The following TOP1 variants were observed in gnomAD, a reference collection of about 807,000 sequenced individuals.
TOP1 encodes the protein DNA topoisomerase I, also known as DNA topoisomerase 1.
In TOP1, 10 loss-of-function variants were observed where a neutral mutation model predicts 111.1. The observed-to-expected ratio is 0.09, with a 90% CI of 0.06 to 0.15. The LOEUF (loss-of-function observed/expected upper bound fraction) is 0.15, where lower values mean the gene tolerates loss of function less well. Among genes scored for constraint, TOP1 ranks in the 10% least tolerant of loss-of-function variants. The probability of loss-of-function intolerance (pLI) is 1.00; values close to 1 mark genes in which losing one functional copy is unlikely to be tolerated. For synonymous variants in TOP1, 271 were observed against 302.9 expected (o/e 0.89, Z 1.10); for missense variants, 474 against 926.7 (o/e 0.51, Z 6.34).
At chr20:41,093,814 G>A (rs566920507) in intron 9 of TOP1, among the ~76,000 whole-genome samples, 1 of 152,308 alleles carries the variant, frequency 6.6e-6, no homozygotes, top group South Asian at 2.1e-4. Flanking sequence ...GTAGGCCTAG[G>A]TAGTAGTTTA....
chr20:41,111,752 GT>G (rs2034245442), intron 13 of TOP1, among the ~76,000 whole-genome samples: 1 of 152,094 alleles, frequency 6.6e-6, no homozygotes, highest in Admixed American at 6.5e-5. Context: ...ACTTTCCTTT[GT>G]TGCGGGTGGG....
At chr20:41,081,079 G>C in intron 6 of TOP1, 86 bp from the exon 7 acceptor site, 2 of 1,219,156 alleles carry the variant, frequency 1.6e-6, no homozygotes, top group Non-Finnish European at 2.3e-6. Context: ...TTGCCATGGA[G>C]GCATCCAAGA....
chr20:41,031,945 T>C (rs2033125163), intron 2 of TOP1, among the ~76,000 whole-genome samples: 1 of 152,254 alleles, frequency 6.6e-6, no homozygotes, highest in Non-Finnish European at 1.5e-5. Flanking sequence ...GGTGTAATTA[T>C]TCTTTGTGAA....
intron 2 of TOP1, among the ~76,000 whole-genome samples, chr20:41,036,756 A>G (rs905854102): frequency 6.6e-6 from 1 of 151,984 alleles, no homozygotes; most frequent in Non-Finnish European, 1.5e-5. Flanking sequence ...CAAAGCGGTC[A>G]CTGTAAAGTA....
intron 2 of TOP1, among the ~76,000 whole-genome samples, chr20:41,054,138 C>T (rs968564304): frequency 6.6e-6 from 1 of 152,002 alleles, no homozygotes; most frequent in South Asian, 2.1e-4. Flanking sequence ...TGGCTGTGTC[C>T]CCACCCAAAT....
At position 41,098,276 on chromosome 20, in the gene TOP1, T is replaced by C; in HGVS notation, c.914T>C (p.Met305Thr). ...CTAAGCAAATGTGATTTTACCCAGA[T>C]GAGCCAGTATTTCAAAGCCCAGACG... Reference protein sequence around the residue: ...TNLSKCDFTQMSQYFKAQTEA... With the variant: ...TNLSKCDFTQTSQYFKAQTEA... Residue 305 changes from methionine to threonine, a missense_variant, in exon 11 of 21, where the codon ATG (methionine) becomes ACG (threonine). Coordinates refer to ENST00000361337, the MANE Select transcript of TOP1 (RefSeq NM_003286.4). The surrounding 1 kb of genome is among the most constrained non-coding windows in gnomAD (Gnocchi z 5.7). 6.2e-7 allele frequency: 1 copy of C among 1,613,950 alleles called. No individual in the cohort carries two copies.
chr20:41,074,997 C>A lies in TOP1; in HGVS notation c.156-1174C>A, dbSNP rs73909138. 5.7e-3 allele frequency among the ~76,000 whole-genome samples: 863 copies of A among 152,254 alleles called. 3 individuals carry two copies. The highest frequency in any genetic ancestry group is 0.02 in the African/African-American group (822 of 41,546). ...TTCCTTTTTCTGTCATAAACACTTT[C>A]CAAATGTGTTTGTGGTACTCAAATT... On this transcript the variant is annotated intron_variant, in intron 3 of 20. Transcript: ENST00000361337.
chr20:41,029,186 C>T lies in TOP1; in HGVS notation c.33+86C>T, dbSNP rs1408833817. On this transcript the variant is annotated intron_variant, in intron 1 of 20. Transcript: ENST00000361337. The surrounding 1 kb of genome is among the most constrained non-coding windows in gnomAD (Gnocchi z 6.1). The stretch of plus-strand genomic sequence containing the variant: ...GCGCAGGCCCCGACCCCAGCCCCGG[C>T]CCGGCAGCTTTGACAGGCCGGAGCC... 3 of 1,129,828 alleles carry T rather than the reference C, an allele frequency of 2.7e-6. No individual in the cohort carries two copies. Among genetic ancestry groups the T allele is most frequent in the African/African-American group, 3.3e-5 (2 of 60,332 alleles). 70.0% of individuals were successfully genotyped at this position (1,129,828 alleles called of 1,614,324 possible). A position where few individuals can be genotyped will look rare whatever the true frequency, so the allele number is the denominator to read the frequency against.
intron 13 of TOP1, among the ~76,000 whole-genome samples, chr20:41,111,528 C>T (rs1368909526): frequency 6.6e-6 from 1 of 151,732 alleles, no homozygotes; most frequent in African/African-American, 2.4e-5. Flanking sequence ...AAGTGGAAGA[C>T]ATTCTTGCTC....
At chr20:41,088,550 G>C (rs1774783564) in intron 8 of TOP1, among the ~76,000 whole-genome samples, 1 of 152,196 alleles carries the variant, frequency 6.6e-6, no homozygotes, top group Non-Finnish European at 1.5e-5. Context: ...GAGAAGAATG[G>C]TGCCAAAGTC....
chr20:41,121,761 C>T lies in TOP1; in HGVS notation c.2016C>T (p.Ala672=). The change falls in exon 19 of 21, where the codon GCC becomes GCT. Residue 672 remains alanine (A), a synonymous_variant. Coordinates refer to ENST00000361337, the MANE Select transcript of TOP1 (RefSeq NM_003286.4). The surrounding 1 kb of genome is among the most constrained non-coding windows in gnomAD (Gnocchi z 4.2). ...RRDLKSAKAD[A]KVMKDAKTKK... ...ACCTGAAAAGTGCTAAGGCTGATGC[C>T]AAGGTCATGAAGGATGCAAAGACGA... 5 of 1,614,122 alleles carry T rather than the reference C, an allele frequency of 3.1e-6. No individual in the cohort carries two copies. Among genetic ancestry groups the T allele is most frequent in the Non-Finnish European group, 4.2e-6 (5 of 1,179,986 alleles).
rs1243994719 is a variant in TOP1 at position 41,046,915 on chromosome 20, CT to C, written c.59-14477del. ...CTCTTCAGAGTTCTCATGTGACTCA[CT>C]TAGTTTTGCAGAGTGAGGTAGATTT... On this transcript the variant is annotated intron_variant, in intron 2 of 20. Coordinates refer to ENST00000361337, the MANE Select transcript of TOP1 (RefSeq NM_003286.4). The surrounding 1 kb of genome is among the most constrained non-coding windows in gnomAD (Gnocchi z 4.3). Among the ~76,000 whole-genome samples the C allele has an allele frequency of 6.6e-6, 1 of 152,208 alleles. No individual in the cohort carries two copies. The highest frequency in any genetic ancestry group is 1.5e-5 in the Non-Finnish European group (1 of 68,040).
intron 13 of TOP1, among the ~76,000 whole-genome samples, chr20:41,104,245 C>G (rs758853447): frequency 1.3e-5 from 2 of 152,116 alleles, no homozygotes; most frequent in Non-Finnish European, 1.5e-5. Flanking sequence ...GGAAATGACA[C>G]CAGATTTGTA....
chr20:41,123,389 A>C lies in TOP1; in HGVS notation c.*92A>C. 1 of 866,776 alleles carries C rather than the reference A, an allele frequency of 1.2e-6. No individual in the cohort carries two copies. Among genetic ancestry groups the C allele is most frequent in the Non-Finnish European group, 1.9e-6 (1 of 539,648 alleles). 53.7% of individuals were successfully genotyped at this position (866,776 alleles called of 1,614,324 possible). A position where few individuals can be genotyped will look rare whatever the true frequency, so the allele number is the denominator to read the frequency against. On this transcript the variant is annotated 3_prime_UTR_variant, in exon 21 of 21. Coordinates refer to ENST00000361337, the MANE Select transcript of TOP1 (RefSeq NM_003286.4). This position sits in a 1 kb window ranked among gnomAD's most constrained non-coding sequence, Gnocchi z 5.8. ...CCTCACTTGCCCTCGTGCCTGGGGGAGAGAGGCAGCAAGTCTTAACAAACC... is the reference window on the plus strand; with the variant it reads ...CCTCACTTGCCCTCGTGCCTGGGGGCGAGAGGCAGCAAGTCTTAACAAACC...
rs1043444758 is a variant in TOP1 at position 41,114,556 on chromosome 20, C to T, written c.1638+401C>T. On this transcript the variant is annotated intron_variant, in intron 15 of 20. Transcript: ENST00000361337. The surrounding 1 kb of genome is among the most constrained non-coding windows in gnomAD (Gnocchi z 4.5). ...GGTAAGGAGTGGCCTTCTCCTATAG[C>T]AGTATTCAATGGAGCATGCTGTAGA... Among the ~76,000 whole-genome samples, 5 of 152,242 alleles carry T rather than the reference C, an allele frequency of 3.3e-5. No individual in the cohort carries two copies. Among genetic ancestry groups the T allele is most frequent in the Admixed American group, 6.5e-5 (1 of 15,284 alleles).
rs1031873891 is a variant in TOP1, at chr20:41,078,691, A to C, written c.335+1054A>C. Reference sequence around the variant, plus strand: ...AAGAGACTGCCTTGGATTTTTATTAAACTGATATGAATAAATTTTTTGGAC... The same window carrying C: ...AAGAGACTGCCTTGGATTTTTATTACACTGATATGAATAAATTTTTTGGAC... On this transcript the variant is annotated intron_variant, in intron 5 of 20. Transcript: ENST00000361337. This position sits in a 1 kb window ranked among gnomAD's most constrained non-coding sequence, Gnocchi z 5.3. Among the ~76,000 whole-genome samples the C allele has an allele frequency of 2.0e-5, 3 of 152,198 alleles. No homozygotes were observed. Among genetic ancestry groups the C allele is most frequent in the Admixed American group, 2.0e-4 (3 of 15,280 alleles).
chr20:41,061,603 GA>G lies in TOP1; in HGVS notation c.155+116del. On this transcript the variant is annotated intron_variant, in intron 3 of 20. Coordinates refer to ENST00000361337, the MANE Select transcript of TOP1 (RefSeq NM_003286.4). This position sits in a 1 kb window ranked among gnomAD's most constrained non-coding sequence, Gnocchi z 4.6. ...ACATGTAAAGATAGCAAAGTAAGTAGAAACTGTATTTGATCCTAGAGTTGCT... is the reference window on the plus strand; with the variant it reads ...ACATGTAAAGATAGCAAAGTAAGTAGAACTGTATTTGATCCTAGAGTTGCT... The G allele has an allele frequency of 1.1e-6, 1 of 907,412 alleles. No individual in the cohort carries two copies. Among genetic ancestry groups the G allele is most frequent in the Non-Finnish European group, 1.7e-6 (1 of 596,204 alleles). The allele number at this position is 907,412 out of a possible 1,614,324, so 56.2% of individuals were successfully genotyped here. A position where few individuals can be genotyped will look rare whatever the true frequency, so the allele number is the denominator to read the frequency against.
At position 41,112,646 on chromosome 20, in the gene TOP1, AAGCAATTCTTGTGTCTTAGCCTCCCTATT is replaced by A; in HGVS notation, c.1309-132_1309-104del. ...ACTGCAACCTCTGCCTCCTGCGTTC[AAGCAATTCTTGTGTCTTAGCCTCCCTATT>A]AGCTAGCTGGGATTATAGGCTTGCG... On this transcript the variant is annotated intron_variant, in intron 13 of 20. Transcript: ENST00000361337. This position sits in a 1 kb window ranked among gnomAD's most constrained non-coding sequence, Gnocchi z 5.8. 1.1e-6 allele frequency: 1 copy of A among 908,340 alleles called. No individual in the cohort carries two copies. The highest frequency in any genetic ancestry group is 1.7e-6 in the Non-Finnish European group (1 of 603,314). 56.3% of individuals were successfully genotyped at this position (908,340 alleles called of 1,614,324 possible).
chr20:41,090,312 A>G lies in TOP1; in HGVS notation c.615-2160A>G, dbSNP rs765772725. Among the ~76,000 whole-genome samples, 5 of 151,162 alleles carry G rather than the reference A, an allele frequency of 3.3e-5. No homozygotes were observed. The South Asian group carries it at 6.3e-4, about 19-fold the overall frequency. ...TAATTTTATCTTTTTTTTCCCCTCC[A>G]CCTTAAGACTGAGACTTTGCCCATT... is the stretch of plus-strand genomic sequence containing the variant. On this transcript the variant is annotated intron_variant, in intron 8 of 20. Coordinates refer to ENST00000361337, the MANE Select transcript of TOP1 (RefSeq NM_003286.4).
Sources: gnomAD v4.1 joint callset for allele counts (sites outside exome capture counted in the v4.1 genomes callset) on GRCh38, gnomAD v4.1.1 for gene constraint, Gnocchi (gnomAD v3.1) non-coding constraint, MANE v1.5 for transcripts, NCBI Gene and HGNC (gene_info 2026-07-23, HGNC 2026-07-21) for gene names.